The following PSPH variants were observed in gnomAD, a reference collection of about 807,000 sequenced individuals.
PSPH encodes phosphoserine phosphatase.
In PSPH, 16 loss-of-function variants were observed where a neutral mutation model predicts 23.4. The ratio of observed to expected loss-of-function variants is 0.68; its 90% CI spans 0.46 to 1.04. PSPH has a LOEUF of 1.04. PSPH is among the 50% of genes least tolerant of loss of function. The pLI is 0.00. For synonymous variants in PSPH, 68 were observed against 99.7 expected (o/e 0.68, Z 1.89); for missense variants, 223 against 273.7 (o/e 0.81, Z 1.31).
chr7:56,034,569 G>A (rs1348446272), intron 1 of PSPH, among the ~76,000 whole-genome samples: 10 of 152,090 alleles, frequency 6.6e-5, no homozygotes, highest in Non-Finnish European at 1.5e-4. Context: ...GGGCTGGAGT[G>A]CAGTGGCACG....
chr7:56,033,033 T>G (rs1791243261), intron 2 of PSPH: 1 of 152,072 alleles, frequency 6.6e-6, no homozygotes, highest in Non-Finnish European at 1.5e-5. Flanking sequence ...TCCTGACTAC[T>G]TTGTTTCACC....
chr7:56,040,015 C>A (rs568909918), intron 1 of PSPH, among the ~76,000 whole-genome samples: 2 of 151,336 alleles, frequency 1.3e-5, no homozygotes, highest in East Asian at 3.9e-4. Flanking sequence ...AGGAGAATGG[C>A]GTGAACCTGG....
rs1789037319 is a variant in PSPH, at chr7:56,019,582, A to G, written c.275+18T>C. The G allele has an allele frequency of 2.5e-6, 4 of 1,613,194 alleles. No individual in the cohort carries two copies. Among genetic ancestry groups the G allele is most frequent in the Admixed American group, 1.7e-5 (1 of 60,002 alleles). ...AACACTGGTGCTGAAATACACCTGG[A>G]GCCGGGGTTCCTCTTACCTTATGCC... On this transcript the variant is annotated intron_variant, in intron 5 of 7. Coordinates refer to ENST00000275605, the MANE Select transcript of PSPH (RefSeq NM_004577.4).
intron 3 of PSPH, among the ~76,000 whole-genome samples, chr7:56,031,258 C>T (rs1790966517): frequency 6.6e-6 from 1 of 151,188 alleles, no homozygotes; most frequent in African/African-American, 2.4e-5. Context: ...ACAAAAAAAA[C>T]TGAGGACTAC....
chr7:56,017,846 C>T (rs1010350776), intron 5 of PSPH, among the ~76,000 whole-genome samples: 1 of 151,840 alleles, frequency 6.6e-6, no homozygotes, highest in African/African-American at 2.4e-5. Flanking sequence ...TGTCAGCCTC[C>T]CGAGTAGCTG....
chr7:56,032,528 T>C (rs1159874794), intron 2 of PSPH, among the ~76,000 whole-genome samples: 2 of 151,102 alleles, frequency 1.3e-5, no homozygotes, highest in East Asian at 2.0e-4. Context: ...GGCATGCTAC[T>C]GGGCACCTGT....
At chr7:56,041,983 G>A (rs1179622022) in intron 1 of PSPH, among the ~76,000 whole-genome samples, 2 of 151,862 alleles carry the variant, frequency 1.3e-5, no homozygotes, top group East Asian at 3.9e-4. Flanking sequence ...AGCACTTTGG[G>A]TGGCCGAGGC....
At chr7:56,049,922 G>C (rs982221340) in intron 1 of PSPH, among the ~76,000 whole-genome samples, 6 of 151,290 alleles carry the variant, frequency 4.0e-5, no homozygotes, top group African/African-American at 1.5e-4. Context: ...TTTTTACAGA[G>C]ACGGGGTTTC....
At chr7:56,029,581 G>C (rs1458745493) in intron 3 of PSPH, among the ~76,000 whole-genome samples, 1 of 151,370 alleles carries the variant, frequency 6.6e-6, no homozygotes, top group East Asian at 1.9e-4. Flanking sequence ...TCCAGGGCCA[G>C]CCTTCGGAGG....
chr7:56,035,950 C>T (rs1303170489), intron 1 of PSPH, among the ~76,000 whole-genome samples: 4 of 150,504 alleles, frequency 2.7e-5, no homozygotes, highest in South Asian at 2.2e-4. Flanking sequence ...CATAATAGGC[C>T]GGGCACCTTG....
At chr7:56,036,613 A>G (rs1178997797) in intron 1 of PSPH, among the ~76,000 whole-genome samples, 1 of 151,996 alleles carries the variant, frequency 6.6e-6, no homozygotes, top group Non-Finnish European at 1.5e-5. Flanking sequence ...TGGGTAACAG[A>G]GCAAGCCCTT....
chr7:56,033,853 T>G (rs1791364164), intron 2 of PSPH, 108 bp downstream of exon 2: 1 of 152,206 alleles, frequency 6.6e-6, no homozygotes, highest in South Asian at 2.1e-4. Flanking sequence ...ATGATCTGCC[T>G]ACGCGATTAA....
chr7:56,032,084 C>T (rs1471185142), intron 2 of PSPH, 30 bp from the exon 3 acceptor site: 2 of 152,292 alleles, frequency 1.3e-5, no homozygotes, highest in Admixed American at 1.3e-4. Context: ...AAATGAACAT[C>T]GAAGTCCATA....
intron 7 of PSPH, among the ~76,000 whole-genome samples, chr7:56,013,487 C>T (rs1054996868): frequency 6.7e-6 from 1 of 150,354 alleles, no homozygotes; most frequent in Admixed American, 6.8e-5. Context: ...CACTGCACTC[C>T]GGCCTAGGTG....
Position 56,011,541 on chromosome 7 carries a change from A to AC in PSPH, c.*220_*221insG. 3.2e-6 allele frequency: 1 copy of AC among 309,494 alleles called. No individual in the cohort carries two copies. 19.2% of individuals were successfully genotyped at this position (309,494 alleles called of 1,614,324 possible). A position where few individuals can be genotyped will look rare whatever the true frequency, so the allele number is the denominator to read the frequency against. ...AAGATTCTGTCTCAAAAAAAAAAAA[A>AC]ACCTCTCCAGGAAATCAATAGTCAT... On this transcript the variant is annotated 3_prime_UTR_variant, in exon 8 of 8. Transcript: ENST00000275605.
intron 1 of PSPH, among the ~76,000 whole-genome samples, chr7:56,047,264 C>T (rs1038127630): frequency 2.6e-5 from 4 of 151,518 alleles, no homozygotes; most frequent in South Asian, 2.1e-4. Flanking sequence ...TAGTGGTGCA[C>T]GTCTGTAGTC....
intron 3 of PSPH, among the ~76,000 whole-genome samples, chr7:56,026,488 CAAAAAAA>C (rs56089644): frequency 4.3e-5 from 3 of 70,342 alleles, no homozygotes; most frequent in African/African-American, 1.8e-4. Context: ...GACTCCATCT[CAAAAAAA>C]AAAAAAAAAA....
intron 2 of PSPH, 89 bp from the exon 3 acceptor site, chr7:56,032,143 A>T (rs1402587572): frequency 6.6e-6 from 1 of 152,160 alleles, no homozygotes; most frequent in African/African-American, 2.4e-5. Context: ...TCCTGGCGGG[A>T]CTGGCACAAA....
intron 1 of PSPH, among the ~76,000 whole-genome samples, chr7:56,035,360 C>T (rs1308661095): frequency 6.6e-6 from 1 of 152,104 alleles, no homozygotes; most frequent in African/African-American, 2.4e-5. Context: ...AAAATTATTC[C>T]ATGTGTCACT....
Sources: gnomAD v4.1 joint callset for allele counts (sites outside exome capture counted in the v4.1 genomes callset) on GRCh38, gnomAD v4.1.1 for gene constraint, MANE v1.5 for transcripts, NCBI Gene and HGNC (gene_info 2026-07-23, HGNC 2026-07-21) for gene names.